Variants in SDCCAG8 observed in about 807,000 individuals in gnomAD.
The protein encoded by SDCCAG8 is serologically defined colon cancer antigen 8.
SDCCAG8 carries 74 observed loss-of-function variants against 101.8 expected under a neutral mutation model. The observed-to-expected ratio is 0.73, with a 90% CI of 0.60 to 0.88. The LOEUF (loss-of-function observed/expected upper bound fraction) is 0.88. Among genes scored for constraint, SDCCAG8 ranks in the 40% least tolerant of loss-of-function variants. SDCCAG8 has a pLI of 0.00. For synonymous variants in SDCCAG8, 281 were observed against 292.9 expected, an observed-to-expected ratio of 0.96 and a Z score of 0.41; for missense variants, 787 against 822.6, an observed-to-expected ratio of 0.96 and a Z score of 0.53.
intron 16 of SDCCAG8, among the ~76,000 whole-genome samples, chr1:243,480,645 G>T (rs1407231065): frequency 8.5e-6 from 1 of 118,140 alleles, no homozygotes; most frequent in Non-Finnish European, 1.8e-5. Context: ...GGGTGTGATG[G>T]ATGGATGGAT....
intron 13 of SDCCAG8, among the ~76,000 whole-genome samples, chr1:243,408,168 T>C (rs2079916883): frequency 6.6e-6 from 1 of 152,228 alleles, no homozygotes; most frequent in African/African-American, 2.4e-5. Flanking sequence ...GTACTTTCCG[T>C]CTTTTAGTAG....
At chr1:243,270,070 C>CA (rs1209968870) in intron 1 of SDCCAG8, 35 bp from the exon 2 acceptor site, 1 of 1,613,980 alleles carries the variant, frequency 6.2e-7, no homozygotes, top group African/African-American at 1.3e-5. Flanking sequence ...AACCAGACTC[C>CA]ATGGGTCCTA....
Position 243,485,740 on chromosome 1 carries a change from C to T in SDCCAG8, c.1986-3274C>T, listed in dbSNP as rs553304584. Among the ~76,000 whole-genome samples, 40 of 150,988 alleles carry T rather than the reference C, an allele frequency of 2.6e-4. No individual in the cohort carries two copies. In the South Asian group the frequency reaches 2.9e-3, roughly 11 times the overall value. ...CCAAGATGGTGAAACCCTGTCTCTA[C>T]GAAAAATATAAAAATTAGCTGGGCA... On this transcript the variant is annotated intron_variant, in intron 16 of 17. Coordinates refer to ENST00000366541, the MANE Select transcript of SDCCAG8 (RefSeq NM_006642.5).
intron 13 of SDCCAG8, among the ~76,000 whole-genome samples, chr1:243,414,705 A>G (rs1013118424): frequency 6.6e-6 from 1 of 152,224 alleles, no homozygotes; most frequent in Non-Finnish European, 1.5e-5. Flanking sequence ...TAAGCAGTAA[A>G]TATCTCAATT....
At chr1:243,373,200 A>G (rs1485893527) in intron 12 of SDCCAG8, among the ~76,000 whole-genome samples, 2 of 152,076 alleles carry the variant, frequency 1.3e-5, no homozygotes, top group Admixed American at 6.6e-5. Context: ...TGGTGAAGGC[A>G]GTGAAGTCAG....
chr1:243,373,355 G>A (rs2077415163), intron 12 of SDCCAG8, among the ~76,000 whole-genome samples: 1 of 152,112 alleles, frequency 6.6e-6, no homozygotes, highest in African/African-American at 2.4e-5. Context: ...CTAAGGTGAT[G>A]TATAGTTGTA....
intron 13 of SDCCAG8, 112 bp downstream of exon 13, chr1:243,378,975 C>G: frequency 1.5e-6 from 2 of 1,378,954 alleles, no homozygotes; most frequent in Middle Eastern, 3.6e-4. Context: ...TCACACTTAG[C>G]TTTCAGGCAT....
intron 17 of SDCCAG8, among the ~76,000 whole-genome samples, chr1:243,496,546 C>CA (rs2148310933): frequency 6.6e-6 from 1 of 152,128 alleles, no homozygotes; most frequent in East Asian, 1.9e-4. Flanking sequence ...GAGCGGACAG[C>CA]AGGGGGGGAA....
At chr1:243,373,417 C>T (rs1414962056) in intron 12 of SDCCAG8, among the ~76,000 whole-genome samples, 1 of 152,108 alleles carries the variant, frequency 6.6e-6, no homozygotes, top group East Asian at 1.9e-4. Flanking sequence ...AACTCAGTGG[C>T]TTGCACCAAC....
intron 16 of SDCCAG8, among the ~76,000 whole-genome samples, chr1:243,477,628 G>C (rs144877412): frequency 1.3e-5 from 2 of 152,242 alleles, no homozygotes; most frequent in East Asian, 3.8e-4. Flanking sequence ...TAGAAGCACT[G>C]TTTGAAGAAG....
intron 5 of SDCCAG8, among the ~76,000 whole-genome samples, chr1:243,286,859 G>A (rs1180873471): frequency 6.6e-6 from 1 of 152,164 alleles, no homozygotes; most frequent in Non-Finnish European, 1.5e-5. Context: ...CCCTAAGAAG[G>A]CTGGTGTTTA....
chr1:243,393,234 T>C (rs139912203), intron 13 of SDCCAG8, among the ~76,000 whole-genome samples: 2 of 152,284 alleles, frequency 1.3e-5, no homozygotes, highest in Admixed American at 1.3e-4. Flanking sequence ...GGGGTAAGGA[T>C]GGTAGCCGGG....
At chr1:243,348,176 C>T (rs1459223398) in intron 12 of SDCCAG8, among the ~76,000 whole-genome samples, 3 of 150,440 alleles carry the variant, frequency 2.0e-5, no homozygotes, top group Non-Finnish European at 4.4e-5. Flanking sequence ...GCTGGGACCA[C>T]AGGCGCCCAC....
chr1:243,347,868 T>C (rs550689585), intron 12 of SDCCAG8, among the ~76,000 whole-genome samples: 1 of 152,296 alleles, frequency 6.6e-6, no homozygotes, highest in African/African-American at 2.4e-5. Context: ...AACCTTTGAT[T>C]AGGGCCCAGT....
chr1:243,300,129 C>T (rs368853436), intron 6 of SDCCAG8, among the ~76,000 whole-genome samples: 10 of 152,252 alleles, frequency 6.6e-5, no homozygotes, highest in African/African-American at 2.2e-4. Context: ...TGCCAAAGTG[C>T]TGGGATTACA....
intron 4 of SDCCAG8, among the ~76,000 whole-genome samples, chr1:243,285,995 G>A (rs1171553396): frequency 1.3e-5 from 2 of 152,074 alleles, no homozygotes; most frequent in African/African-American, 4.8e-5. Flanking sequence ...TTTAATTAAG[G>A]CTTTTCTTTG....
At position 243,281,443 on chromosome 1, in the gene SDCCAG8, G is replaced by A. The variant is rs111733578; in HGVS notation, c.421-4829G>A. On this transcript the variant is annotated intron_variant, in intron 4 of 17. Coordinates refer to ENST00000366541, the MANE Select transcript of SDCCAG8 (RefSeq NM_006642.5). ...GAGCCACCTTGCCCAGTTATTATAGGCTTCTTGTAGACAACATATAGTTTA... is the reference window on the plus strand; with the variant it reads ...GAGCCACCTTGCCCAGTTATTATAGACTTCTTGTAGACAACATATAGTTTA... Among the ~76,000 whole-genome samples, 51 of 150,266 alleles carry A rather than the reference G, an allele frequency of 3.4e-4. No homozygotes were observed. In the South Asian group the frequency reaches 6.8e-3, roughly 20 times the overall value.
intron 9 of SDCCAG8, chr1:243,318,050 A>G: frequency 2.2e-6 from 1 of 456,714 alleles, no homozygotes; most frequent in Non-Finnish European, 4.4e-6. Context: ...CCTTCACAAT[A>G]GCAAACGTAA....
intron 16 of SDCCAG8, among the ~76,000 whole-genome samples, chr1:243,471,545 C>T (rs534453519): frequency 5.9e-5 from 9 of 152,224 alleles, no homozygotes; most frequent in Admixed American, 1.3e-4. Context: ...GGTCCAGGCT[C>T]AGCAGGCCAG....
Sources: gnomAD v4.1 joint callset for allele counts (sites outside exome capture counted in the v4.1 genomes callset) on GRCh38, gnomAD v4.1.1 for gene constraint, MANE v1.5 for transcripts, NCBI Gene and HGNC (gene_info 2026-07-23, HGNC 2026-07-21) for gene names.